Variants in ENPP2 observed in about 807,000 individuals in gnomAD.
ENPP2 encodes autotaxin.
ENPP2 carries 51 observed loss-of-function variants against 120.2 expected under a neutral mutation model. The ratio of observed to expected loss-of-function variants is 0.42; its 90% CI spans 0.34 to 0.54. The LOEUF is 0.54. Ranked by LOEUF, ENPP2 falls within the 20% of genes least tolerant of loss-of-function variation. The pLI is 0.04. For synonymous variants in ENPP2, 365 were observed against 366.4 expected, an observed-to-expected ratio of 1.00 and a Z score of 0.04; for missense variants, 920 against 1,066.5, an observed-to-expected ratio of 0.86 and a Z score of 1.91.
chr8:119,664,506 C>T (rs572924888), intron 1 of ENPP2, among the ~76,000 whole-genome samples: 26 of 152,270 alleles, frequency 1.7e-4, no homozygotes, highest in South Asian at 2.1e-4. Flanking sequence ...ATTTCCATGA[C>T]GAAGAGCAAA....
intron 5 of ENPP2, chr8:119,618,218 A>G (rs1444566942): frequency 2.2e-6 from 1 of 445,248 alleles, no homozygotes; most frequent in African/African-American, 2.0e-5. Context: ...CTTGTTCTTC[A>G]TGCCTGCGAA....
chr8:119,673,253 C>T (rs772157203), exon 1 of ENPP2: 13 of 1,535,056 alleles, frequency 8.5e-6, no homozygotes, highest in Admixed American at 2.0e-5. Context: ...ATACCGTACC[C>T]GATCGGCGTG....
chr8:119,666,129 A>T (rs1241365758), intron 1 of ENPP2, among the ~76,000 whole-genome samples: 1 of 152,246 alleles, frequency 6.6e-6, no homozygotes, highest in Non-Finnish European at 1.5e-5. Flanking sequence ...CTACATACAC[A>T]TAAAAGAATA....
chr8:119,633,115 TA>T (rs1242279470), intron 2 of ENPP2, among the ~76,000 whole-genome samples: 2 of 152,126 alleles, frequency 1.3e-5, no homozygotes, highest in Non-Finnish European at 2.9e-5. Flanking sequence ...ACAACAAAAC[TA>T]TTGATGATTT....
chr8:119,590,395 G>A (rs1036121330), intron 13 of ENPP2, 110 bp downstream of exon 13: 76 of 772,646 alleles, frequency 9.8e-5, no homozygotes, highest in South Asian at 8.9e-4. Context: ...TCAGCTAAGC[G>A]GTAGCAGAGC....
At chr8:119,648,523 A>G (rs192716596) in intron 1 of ENPP2, among the ~76,000 whole-genome samples, 22 of 152,340 alleles carry the variant, frequency 1.4e-4, no homozygotes, top group Admixed American at 6.5e-4. Context: ...GAAAGCCCCA[A>G]AAAGTTGAGA....
chr8:119,599,297 C>T (rs1394245664), intron 11 of ENPP2, among the ~76,000 whole-genome samples: 1 of 152,150 alleles, frequency 6.6e-6, no homozygotes, highest in African/African-American at 2.4e-5. Context: ...AAATAAATCA[C>T]CTCTGAATTG....
At position 119,570,821 on chromosome 8, in the gene ENPP2, G is replaced by A. The variant is rs764313249; in HGVS notation, c.1801C>T (p.Arg601Ter). 8 of 1,558,878 alleles carry A rather than the reference G, an allele frequency of 5.1e-6. No homozygotes were observed. The highest frequency in any genetic ancestry group is 2.1e-5 in the Admixed American group (1 of 48,572). The change falls in exon 20 of 25, where the codon CGA (arginine) becomes TGA (stop). Residue 601 changes from arginine to a stop codon, truncating the protein, a stop_gained. Coordinates refer to ENST00000075322, the MANE Select transcript of ENPP2 (RefSeq NM_001040092.3). LOFTEE classifies it high-confidence loss of function. ...CTAGTCCGATAAAGCACTGCAGGTC[G>A]CCCATAGAGGAGGTGTCTCTCTAAA... Reference protein sequence around the residue: ...STEERHLLYGRPAVLYRTRYD... With the variant: ...STEERHLLYG
chr8:119,610,879 G>A (rs561075281), intron 8 of ENPP2, among the ~76,000 whole-genome samples: 3 of 149,178 alleles, frequency 2.0e-5, no homozygotes, highest in Admixed American at 1.3e-4. Context: ...CTCCAGCCTG[G>A]ATGACAGAGT....
intron 17 of ENPP2, 139 bp from the exon 18 acceptor site, chr8:119,582,741 G>T: frequency 1.5e-6 from 1 of 654,296 alleles, no homozygotes. Flanking sequence ...AATGTAGATG[G>T]CAGGCACCCC....
chr8:119,561,201 C>T (rs1813899788), intron 24 of ENPP2, among the ~76,000 whole-genome samples: 1 of 152,170 alleles, frequency 6.6e-6, no homozygotes, highest in South Asian at 2.1e-4. Context: ...AATCTTCACC[C>T]ATAATTGAAG....
chr8:119,626,773 TGGAAA>T, intron 2 of ENPP2, 53 bp from the exon 3 acceptor site: 1 of 1,560,476 alleles, frequency 6.4e-7, no homozygotes, highest in Non-Finnish European at 8.8e-7. Context: ...CATGTCACCA[TGGAAA>T]GGTGGCACTG....
chr8:119,640,936 A>G (rs1817268972), upstream of ENPP2, among the ~76,000 whole-genome samples: 1 of 151,934 alleles, frequency 6.6e-6, no homozygotes, highest in Non-Finnish European at 1.5e-5. Context: ...TAATACAGAC[A>G]GGGTTTCACC....
At chr8:119,566,038 G>A (rs181306356) in intron 22 of ENPP2, among the ~76,000 whole-genome samples, 24 of 152,068 alleles carry the variant, frequency 1.6e-4, no homozygotes, top group African/African-American at 4.3e-4. Context: ...CCTGTCCCCT[G>A]ACTTTTCCCC....
chr8:119,601,554 GCTCT>G lies in ENPP2; in HGVS notation c.834-96_834-93del. The G allele has an allele frequency of 3.5e-6, 3 of 855,902 alleles. No homozygotes were observed. The African/African-American group carries it at 5.0e-5, about 14-fold the overall frequency. 53.0% of individuals were successfully genotyped at this position (855,902 alleles called of 1,614,324 possible). On this transcript the variant is annotated intron_variant, in intron 9 of 24. Transcript: ENST00000075322. The stretch of plus-strand genomic sequence containing the variant: ...GCTCGCTCTTGCACCCAGGCCAAAT[GCTCT>G]CTATTTACCACCATCTGTTTTCACT...
At chr8:119,575,909 G>T (rs1201335551) in intron 19 of ENPP2, among the ~76,000 whole-genome samples, 1 of 152,126 alleles carries the variant, frequency 6.6e-6, no homozygotes, top group African/African-American at 2.4e-5. Flanking sequence ...ACTATGTATT[G>T]ATTTCTTCCA....
In ENPP2 at chr8:119,557,532, T is replaced by C. The variant is rs1373761372; in HGVS notation, c.2581A>G (p.Ser861Gly). 1 of 1,612,356 alleles carries C rather than the reference T, an allele frequency of 6.2e-7. No homozygotes were observed. Among genetic ancestry groups the C allele is most frequent in the Admixed American group, 1.7e-5 (1 of 59,834 alleles). Residue 861 changes from serine to glycine, a missense_variant, in exon 25 of 25, where the codon AGC becomes GGC. By Grantham distance (56) the Ser-to-Gly change is moderately conservative. Coordinates refer to ENST00000075322, the MANE Select transcript of ENPP2 (RefSeq NM_001040092.3). ...TLKTYLHTYE[S>G]EI The stretch of plus-strand genomic sequence containing the variant: ...AGATGCTCAGAAAGTTAAATCTCGC[T>C]CTCATATGTATGCAGGTATGTCTTG...
chr8:119,582,668 T>G, intron 17 of ENPP2, 66 bp from the exon 18 acceptor site: 1 of 1,172,436 alleles, frequency 8.5e-7, no homozygotes, highest in Non-Finnish European at 1.3e-6. Flanking sequence ...TGGTAAGATT[T>G]AAAACCCTTC....
intron 11 of ENPP2, chr8:119,596,074 T>G (rs1813875563): frequency 7.0e-7 from 1 of 1,428,562 alleles, no homozygotes; most frequent in Non-Finnish European, 9.7e-7. Flanking sequence ...AAGCTTACAC[T>G]TTCCCATCTG....
Sources: gnomAD v4.1 joint callset for allele counts (sites outside exome capture counted in the v4.1 genomes callset) on GRCh38, gnomAD v4.1.1 for gene constraint, MANE v1.5 for transcripts, NCBI Gene and HGNC (gene_info 2026-07-23, HGNC 2026-07-21) for gene names.